The following KAZN variants were observed in gnomAD, a reference collection of about 807,000 sequenced individuals.
KAZN encodes kazrin.
In KAZN, 40 loss-of-function variants were observed where a neutral mutation model predicts 87.4. That is an observed-to-expected ratio of 0.46 (90% confidence interval 0.36 to 0.60). The LOEUF (loss-of-function observed/expected upper bound fraction) is 0.60. KAZN is among the 20% of genes least tolerant of loss of function. The pLI, the probability that KAZN is intolerant of heterozygous loss-of-function variation, is 0.00. For synonymous variants in KAZN, 466 were observed against 458.3 expected, an observed-to-expected ratio of 1.02 and a Z score of -0.22; for missense variants, 898 against 1,073.9, an observed-to-expected ratio of 0.84 and a Z score of 2.29.
intron 2 of KAZN, among the ~76,000 whole-genome samples, chr1:14,268,787 T>G (rs1196441387): frequency 6.6e-6 from 1 of 152,240 alleles, no homozygotes; most frequent in Non-Finnish European, 1.5e-5. Context: ...AGGCATTAAT[T>G]AAAACTGGTG....
intron 1 of KAZN, among the ~76,000 whole-genome samples, chr1:13,964,955 G>A (rs947181113): frequency 6.6e-6 from 1 of 152,144 alleles, no homozygotes; most frequent in South Asian, 2.1e-4. Context: ...GAGGCAAGTG[G>A]TGTAGATAAG....
intron 2 of KAZN, among the ~76,000 whole-genome samples, chr1:14,466,800 C>G (rs986668025): frequency 6.6e-6 from 1 of 151,492 alleles, no homozygotes; most frequent in Non-Finnish European, 1.5e-5. Flanking sequence ...AACCCTGTCT[C>G]TACTAAAAAT....
chr1:15,073,940 C>T (rs530906878), intron 8 of KAZN, among the ~76,000 whole-genome samples: 15 of 152,314 alleles, frequency 9.8e-5, no homozygotes, highest in Admixed American at 9.1e-4. Context: ...CAGGCCTCTG[C>T]CCACCCCTGC....
At chr1:14,153,179 G>C (rs12084632) in intron 1 of KAZN, among the ~76,000 whole-genome samples, 1 of 151,910 alleles carries the variant, frequency 6.6e-6, no homozygotes, top group East Asian at 1.9e-4. Flanking sequence ...TTCCTTTGCC[G>C]TGCAGAAGCT....
chr1:14,339,570 G>A (rs770542521), intron 2 of KAZN, among the ~76,000 whole-genome samples: 4 of 152,144 alleles, frequency 2.6e-5, no homozygotes, highest in Non-Finnish European at 5.9e-5. Context: ...GAGCTCAAAA[G>A]CAGGAAAAAA....
chr1:14,635,037 G>T (rs11585381), intron 1 of KAZN, among the ~76,000 whole-genome samples: 5,268 of 152,306 alleles, frequency 0.035, 117 homozygotes, highest in South Asian at 0.067. Flanking sequence ...TGATGAGGGG[G>T]AAGGGAATGG....
intron 1 of KAZN, among the ~76,000 whole-genome samples, chr1:14,092,168 G>T (rs1644012022): frequency 7.1e-6 from 1 of 140,808 alleles, no homozygotes; most frequent in Admixed American, 7.5e-5. Context: ...TCAGCTCACT[G>T]AAAGCTGCGC....
intron 2 of KAZN, among the ~76,000 whole-genome samples, chr1:14,482,028 G>A (rs999977098): frequency 1.3e-5 from 2 of 152,198 alleles, no homozygotes; most frequent in African/African-American, 4.8e-5. Flanking sequence ...GCTTCCCAAA[G>A]GCTTCATCCA....
At position 14,187,848 on chromosome 1, in the gene KAZN, T is replaced by A. The variant is rs572371560; in HGVS notation, c.249+7256T>A. Among the ~76,000 whole-genome samples the A allele has an allele frequency of 5.9e-5, 9 of 152,342 alleles. No homozygotes were observed. In the South Asian group the frequency reaches 1.9e-3, roughly 32 times the overall value. On this transcript the variant is annotated intron_variant, in intron 2 of 16. Transcript: ENST00000636203. ...CTCTTTTGATTTCGGAATTCTTTTA[T>A]TTCAAGCCCTATAATTGATCATAAT...
At chr1:14,436,747 C>G (rs951264786) in intron 2 of KAZN, among the ~76,000 whole-genome samples, 1 of 88,330 alleles carries the variant, frequency 1.1e-5, no homozygotes, top group Non-Finnish European at 2.3e-5. Flanking sequence ...AACCTTAAAA[C>G]AATCCTGAGA....
chr1:14,818,671 C>T (rs1312227230), intron 1 of KAZN, among the ~76,000 whole-genome samples: 1 of 152,212 alleles, frequency 6.6e-6, no homozygotes, highest in African/African-American at 2.4e-5. Flanking sequence ...GAGGCCAAAA[C>T]TCATTGCAGG....
chr1:14,301,508 C>T (rs1654551002), intron 2 of KAZN, among the ~76,000 whole-genome samples: 1 of 152,208 alleles, frequency 6.6e-6, no homozygotes, highest in Non-Finnish European at 1.5e-5. Context: ...CAGCCTGCCA[C>T]TACAGGGATC....
chr1:15,111,562 G>A (rs988818627), intron 13 of KAZN, among the ~76,000 whole-genome samples: 1 of 152,208 alleles, frequency 6.6e-6, no homozygotes, highest in Admixed American at 6.5e-5. Context: ...ACAGGCATGA[G>A]CCACCATGCC....
intron 2 of KAZN, among the ~76,000 whole-genome samples, chr1:14,237,003 G>A (rs929308690): frequency 6.6e-6 from 1 of 152,100 alleles, no homozygotes; most frequent in African/African-American, 2.4e-5. Context: ...TATAAACAAT[G>A]AAAATAAACT....
intron 2 of KAZN, among the ~76,000 whole-genome samples, chr1:14,232,945 A>G (rs1648007331): frequency 6.6e-6 from 1 of 152,186 alleles, no homozygotes; most frequent in Admixed American, 6.5e-5. Flanking sequence ...TTAAAAGGAT[A>G]AAAGAATGAA....
chr1:14,603,306 T>G (rs12096315), intron 1 of KAZN, among the ~76,000 whole-genome samples: 53,570 of 152,060 alleles, frequency 0.35, 10,126 homozygotes, highest in Admixed American at 0.43. Flanking sequence ...TTCTGTTAGC[T>G]TGCCACTAAG....
intron 1 of KAZN, among the ~76,000 whole-genome samples, chr1:14,762,567 T>G (rs1557463487): frequency 6.6e-6 from 1 of 151,752 alleles, no homozygotes; most frequent in Non-Finnish European, 1.5e-5. Context: ...CTACTAAAAA[T>G]ACAAAAAATT....
intron 2 of KAZN, among the ~76,000 whole-genome samples, chr1:14,225,767 C>T (rs1647251455): frequency 6.6e-6 from 1 of 152,064 alleles, no homozygotes. Flanking sequence ...GAAAGGAATG[C>T]CTATTCAATA....
intron 1 of KAZN, among the ~76,000 whole-genome samples, chr1:14,894,620 CACT>C (rs1025812339): frequency 6.6e-6 from 1 of 152,232 alleles, no homozygotes; most frequent in Non-Finnish European, 1.5e-5. Context: ...GAGTTAGGGT[CACT>C]TAATTGCTGA....
Sources: allele counts gnomAD v4.1 joint callset (sites outside exome capture counted in the v4.1 genomes callset), GRCh38; gene constraint gnomAD v4.1.1; transcripts MANE v1.5; gene names NCBI Gene and HGNC (gene_info 2026-07-23, HGNC 2026-07-21).